AOAH: variants seen among roughly 807,000 people sequenced by gnomAD.
AOAH encodes acyloxyacyl hydrolase (neutrophil).
Under a neutral mutation model 92.2 loss-of-function variants are expected in AOAH, and 64 were observed. The ratio of observed to expected loss-of-function variants is 0.69; its 90% CI spans 0.57 to 0.86. The LOEUF is 0.86. Among genes scored for constraint, AOAH ranks in the 40% least tolerant of loss-of-function variants. AOAH has a pLI of 0.00. For missense variants in AOAH, 656 were observed against 694.6 expected (o/e 0.94, Z 0.62); for synonymous variants, 263 against 254.5 (o/e 1.03, Z -0.32).
intron 20 of AOAH, chr7:36,514,691 A>G (rs1318840924): frequency 6.2e-6 from 5 of 806,184 alleles, no homozygotes; most frequent in Admixed American, 2.2e-5. Context: ...GCAATGAGAA[A>G]TGTGATTGCT....
intron 3 of AOAH, among the ~76,000 whole-genome samples, chr7:36,671,733 G>C (rs958809115): frequency 1.1e-4 from 16 of 152,010 alleles, no homozygotes; most frequent in African/African-American, 3.6e-4. Flanking sequence ...GTAGGGGGTA[G>C]AGGTTTTGGA....
At chr7:36,659,797 C>T (rs1203703588) in intron 3 of AOAH, among the ~76,000 whole-genome samples, 3 of 121,022 alleles carry the variant, frequency 2.5e-5, no homozygotes, top group African/African-American at 6.7e-5. Context: ...AGAGTTTTGT[C>T]AGGCCTCTGA....
chr7:36,710,286 C>A (rs913334958), intron 1 of AOAH, among the ~76,000 whole-genome samples: 2 of 152,118 alleles, frequency 1.3e-5, no homozygotes, highest in African/African-American at 4.8e-5. Context: ...ATTCAGGGAA[C>A]CCTTTAAATG....
In AOAH at chr7:36,616,401, G is replaced by A. The variant is rs1740289580; in HGVS notation, c.825C>T (p.Ile275=). Residue 275 remains isoleucine (I), a synonymous_variant, in exon 11 of 21, where the codon ATC becomes ATT. Coordinates refer to ENST00000617537, the MANE Select transcript of AOAH (RefSeq NM_001637.4). ...GAHFHISPEW[I]TASQMSLNSF... is the part of the protein sequence containing the mutation. Reference sequence around the variant, plus strand: ...TTACCAAAGACATCTGCGACGCTGTGATCCATTCAGGAGAGATGTGAAAAT... The same window carrying A: ...TTACCAAAGACATCTGCGACGCTGTAATCCATTCAGGAGAGATGTGAAAAT... 6.2e-7 allele frequency: 1 copy of A among 1,613,978 alleles called. No homozygotes were observed. The highest frequency in any genetic ancestry group is 2.2e-5 in the East Asian group (1 of 44,890).
Position 36,701,773 on chromosome 7 carries a change from T to C in AOAH, c.128-14979A>G, listed in dbSNP as rs77382478. Reference sequence around the variant, plus strand: ...ATAATCATGTTGTCGTTGATTGAAGTGTGCAGTTCATTCACATATAATGTC... The same window carrying C: ...ATAATCATGTTGTCGTTGATTGAAGCGTGCAGTTCATTCACATATAATGTC... On this transcript the variant is annotated intron_variant, in intron 1 of 20. Coordinates refer to ENST00000617537, the MANE Select transcript of AOAH (RefSeq NM_001637.4). Among the ~76,000 whole-genome samples, 91 of 152,162 alleles carry C rather than the reference T, an allele frequency of 6.0e-4. 2 individuals are homozygous for C. The East Asian group carries it at 0.017, about 28-fold the overall frequency.
At chr7:36,645,099 C>T (rs538789566) in intron 4 of AOAH, among the ~76,000 whole-genome samples, 2 of 152,308 alleles carry the variant, frequency 1.3e-5, no homozygotes, top group East Asian at 3.9e-4. Context: ...GCATAAATAA[C>T]TACAGCATGA....
At chr7:36,617,046 G>A (rs372842997) in intron 10 of AOAH, among the ~76,000 whole-genome samples, 9 of 152,164 alleles carry the variant, frequency 5.9e-5, no homozygotes, top group East Asian at 5.8e-4. Flanking sequence ...CCATCCACAC[G>A]AATCAGTCAC....
chr7:36,620,683 A>T (rs1792215344), intron 9 of AOAH, 98 bp downstream of exon 9: 2 of 1,180,264 alleles, frequency 1.7e-6, no homozygotes, highest in African/African-American at 1.5e-5. Flanking sequence ...TTAGGCTGTC[A>T]TAGTCTTCCC....
chr7:36,724,437 C>T lies in AOAH; in HGVS notation c.-289G>A. 3.7e-6 allele frequency: 1 copy of T among 270,778 alleles called. No individual in the cohort carries two copies. The highest frequency in any genetic ancestry group is 7.5e-6 in the Non-Finnish European group (1 of 133,994). 16.8% of individuals were successfully genotyped at this position (270,778 alleles called of 1,614,324 possible). A position where few individuals can be genotyped will look rare whatever the true frequency, so the allele number is the denominator to read the frequency against. On this transcript the variant is annotated 5_prime_UTR_variant, in exon 1 of 21. Transcript: ENST00000617537. ...TGCGGTTCTGCTGAGGTAAAGACTG[C>T]AGGATAAAGAAAACCCAAGTTGCAC... is the stretch of plus-strand genomic sequence containing the variant.
At chr7:36,629,182 G>A (rs1792886606) in intron 6 of AOAH, among the ~76,000 whole-genome samples, 1 of 152,200 alleles carries the variant, frequency 6.6e-6, no homozygotes, top group Non-Finnish European at 1.5e-5. Flanking sequence ...GTGACCTGCT[G>A]CATATGACAC....
intron 1 of AOAH, among the ~76,000 whole-genome samples, chr7:36,705,308 T>C (rs1269892634): frequency 6.6e-6 from 1 of 152,142 alleles, no homozygotes; most frequent in East Asian, 1.9e-4. Flanking sequence ...ACAAAATCAA[T>C]GTGCAAAAAT....
At chr7:36,588,715 C>T (rs887099131) in intron 12 of AOAH, among the ~76,000 whole-genome samples, 1 of 152,174 alleles carries the variant, frequency 6.6e-6, no homozygotes, top group African/African-American at 2.4e-5. Context: ...TCTCATATAA[C>T]ATCTATTGGG....
intron 6 of AOAH, among the ~76,000 whole-genome samples, chr7:36,631,193 A>G (rs1160149097): frequency 6.6e-6 from 1 of 152,022 alleles, no homozygotes; most frequent in Non-Finnish European, 1.5e-5. Flanking sequence ...TAAAAATACA[A>G]AAAATTAGCT....
chr7:36,642,464 C>A (rs1372186510), intron 4 of AOAH, among the ~76,000 whole-genome samples: 1 of 152,120 alleles, frequency 6.6e-6, no homozygotes, highest in South Asian at 2.1e-4. Flanking sequence ...AGAAGCTAAC[C>A]CTACTGATTT....
intron 1 of AOAH, among the ~76,000 whole-genome samples, chr7:36,691,757 A>G (rs1289494844): frequency 6.6e-6 from 1 of 152,208 alleles, no homozygotes; most frequent in East Asian, 1.9e-4. Flanking sequence ...TCTATATCCC[A>G]GCCCTTTGAA....
chr7:36,591,505 T>C (rs957655763), intron 12 of AOAH, among the ~76,000 whole-genome samples: 2 of 152,190 alleles, frequency 1.3e-5, no homozygotes, highest in African/African-American at 4.8e-5. Context: ...CTCTGCATAA[T>C]GCTTATAAGA....
intron 12 of AOAH, among the ~76,000 whole-genome samples, chr7:36,592,147 G>A (rs1789788323): frequency 1.3e-5 from 2 of 152,160 alleles, no homozygotes; most frequent in South Asian, 2.1e-4. Context: ...TAAAAGCCTT[G>A]ATTGAGAGAA....
chr7:36,617,612 G>C (rs146071632), intron 10 of AOAH, among the ~76,000 whole-genome samples: 1 of 152,350 alleles, frequency 6.6e-6, no homozygotes, highest in African/African-American at 2.4e-5. Flanking sequence ...ATGAATGAAT[G>C]AGGTGATTGT....
In AOAH at chr7:36,513,242, C is replaced by G. The variant is rs994572204; in HGVS notation, c.*10G>C. ...CCTGTGCTCCCCAGGGGTGCATGCT[C>G]CTGAGAGGCTCAGTGCCCGCCTTGG... On this transcript the variant is annotated 3_prime_UTR_variant, in exon 21 of 21. Coordinates refer to ENST00000617537, the MANE Select transcript of AOAH (RefSeq NM_001637.4). The G allele has an allele frequency of 3.1e-6, 5 of 1,614,034 alleles. No homozygotes were observed. The highest frequency in any genetic ancestry group is 3.4e-6 in the Non-Finnish European group (4 of 1,180,038).
Sources: gnomAD v4.1 joint callset for allele counts (sites outside exome capture counted in the v4.1 genomes callset) on GRCh38, gnomAD v4.1.1 for gene constraint, MANE v1.5 for transcripts, NCBI Gene and HGNC (gene_info 2026-07-23, HGNC 2026-07-21) for gene names.